The following AXIN2 variants were observed in gnomAD, a reference collection of about 807,000 sequenced individuals.
AXIN2 encodes the protein axin 2, also known as axin-2.
A neutral mutation model predicts 74.7 loss-of-function variants in AXIN2; 21 were observed. The observed-to-expected ratio is 0.28, with a 90% CI of 0.20 to 0.40. The LOEUF is 0.40. AXIN2 is among the 10% of genes least tolerant of loss of function. AXIN2 has a pLI of 1.00. For synonymous variants in AXIN2, 532 were observed against 454.9 expected (o/e 1.17, Z -2.16); for missense variants, 1,144 against 1,111.1 (o/e 1.03, Z -0.42).
chr17:65,544,779 G>A (rs530124978), intron 3 of AXIN2, among the ~76,000 whole-genome samples: 2 of 152,268 alleles, frequency 1.3e-5, no homozygotes, highest in Admixed American at 6.5e-5. Flanking sequence ...ACTCCACTTA[G>A]CTGCCATTTG....
chr17:65,558,823 A>G, intron 1 of AXIN2, 87 bp from the exon 2 acceptor site: 1 of 611,568 alleles, frequency 1.6e-6, no homozygotes, highest in East Asian at 2.8e-5. Context: ...TCAAAGCAAG[A>G]AAGTAAACAG....
chr17:65,539,262 G>A (rs2044004006), intron 4 of AXIN2, among the ~76,000 whole-genome samples: 2 of 152,076 alleles, frequency 1.3e-5, no homozygotes, highest in South Asian at 2.1e-4. Flanking sequence ...TTGGGCTGGG[G>A]TGGGGGTAGC....
intron 3 of AXIN2, 115 bp from the exon 4 acceptor site, chr17:65,541,672 T>A (rs533363995): frequency 2.3e-6 from 2 of 874,410 alleles, no homozygotes; most frequent in Admixed American, 3.6e-5. Context: ...CATGCTTCCA[T>A]AGGAGTGTCA....
chr17:65,539,109 T>C (rs1168557308), intron 4 of AXIN2, among the ~76,000 whole-genome samples: 1 of 152,216 alleles, frequency 6.6e-6, no homozygotes, highest in Non-Finnish European at 1.5e-5. Context: ...CGAGTACGCC[T>C]GCCAAAAGCA....
rs1203628151 is a variant in AXIN2, at chr17:65,559,988, T to TGTCCTCCGAGCCCCTCCGGCCCG, written c.-116-1275_-116-1253dup. On this transcript the variant is annotated intron_variant, in intron 1 of 10. Coordinates refer to ENST00000307078, the MANE Select transcript of AXIN2 (RefSeq NM_004655.4). ...GAAGGCCGCCGAAGCCAGGCTCTCA[T>TGTCCTCCGAGCCCCTCCGGCCCG]GTCCTCCGAGCCCCTCCGGCCCGGT... 28 of 152,174 alleles carry TGTCCTCCGAGCCCCTCCGGCCCG rather than the reference T, an allele frequency of 1.8e-4. 1 individual carries two copies. The highest frequency in any genetic ancestry group is 6.8e-4 in the African/African-American group (28 of 41,436). The allele number at this position is 152,174 out of a possible 1,614,324, so 9.4% of individuals were successfully genotyped here.
chr17:65,547,282 G>A (rs1023077276), intron 3 of AXIN2, among the ~76,000 whole-genome samples: 6 of 152,178 alleles, frequency 3.9e-5, no homozygotes, highest in African/African-American at 1.4e-4. Context: ...GAAACCCAAA[G>A]TGGCTCAAAG....
rs1281454600 is a variant in AXIN2 at position 65,529,769 on chromosome 17, T to C, written c.*207A>G. ...GTTTTTAATAAATAGTTCAGGCTTT[T>C]CTTATCTCAGTCAGTACCCAGCTCA... On this transcript the variant is annotated 3_prime_UTR_variant, in exon 11 of 11. Coordinates refer to ENST00000307078, the MANE Select transcript of AXIN2 (RefSeq NM_004655.4). 1 of 713,260 alleles carries C rather than the reference T, an allele frequency of 1.4e-6. No homozygotes were observed. The highest frequency in any genetic ancestry group is 1.8e-5 in the African/African-American group (1 of 55,968). 44.2% of individuals were successfully genotyped at this position (713,260 alleles called of 1,614,324 possible).
intron 1 of AXIN2, chr17:65,560,417 A>T (rs2044348478): frequency 1.5e-5 from 1 of 67,398 alleles, no homozygotes; most frequent in African/African-American, 5.6e-5. Context: ...GGGGCGGAGG[A>T]GAGGCGGGGG....
chr17:65,545,588 G>C (rs1284722364), intron 3 of AXIN2, among the ~76,000 whole-genome samples: 1 of 151,986 alleles, frequency 6.6e-6, no homozygotes, highest in Non-Finnish European at 1.5e-5. Flanking sequence ...CCCAGGAGGC[G>C]GAGGTTCCAG....
intron 8 of AXIN2, 126 bp downstream of exon 8, chr17:65,536,193 TA>T: frequency 1.0e-6 from 1 of 961,562 alleles, no homozygotes; most frequent in South Asian, 1.4e-5. Flanking sequence ...CATCCATAAG[TA>T]ATTCTTCTTC....
Position 65,551,144 on chromosome 17 carries a change from A to G in AXIN2, c.816-1484T>C, listed in dbSNP as rs184888136. 5.3e-5 allele frequency among the ~76,000 whole-genome samples: 8 copies of G among 152,268 alleles called. No homozygotes were observed. The East Asian group carries it at 1.5e-3, about 29-fold the overall frequency. ...TGCCTTAGTACAGGTAACCCAGATG[A>G]CGGATAGAACATTTCTAGGAGGGAC... On this transcript the variant is annotated intron_variant, in intron 2 of 10. Coordinates refer to ENST00000307078, the MANE Select transcript of AXIN2 (RefSeq NM_004655.4).
At chr17:65,530,949 G>A (rs78226347) in intron 10 of AXIN2, among the ~76,000 whole-genome samples, 1 of 152,158 alleles carries the variant, frequency 6.6e-6, no homozygotes, top group African/African-American at 2.4e-5. Flanking sequence ...GGAAACAACT[G>A]CTGTCCTCTT....
At chr17:65,561,127 G>A (rs1331107942) in intron 1 of AXIN2, 3 of 149,956 alleles carry the variant, frequency 2.0e-5, no homozygotes, top group Non-Finnish European at 4.5e-5. Flanking sequence ...CCTGTTTCCA[G>A]CAGTCACTCG....
intron 2 of AXIN2, among the ~76,000 whole-genome samples, chr17:65,551,762 A>G (rs2044196882): frequency 6.6e-6 from 1 of 152,154 alleles, no homozygotes; most frequent in African/African-American, 2.4e-5. Flanking sequence ...AATCATCACA[A>G]CCACCCAAGG....
Position 65,549,584 on chromosome 17 carries a change from T to C in AXIN2, c.892A>G (p.Asn298Asp), listed in dbSNP as rs1598110416. ...GYVFAPATSA[N>D]DSEISSDALT... ...GCATCACTGGATATCTCACTGTCGTTGGCGCTGGTGGCTGGTGCAAAGACA... is the reference window on the plus strand; with the variant it reads ...GCATCACTGGATATCTCACTGTCGTCGGCGCTGGTGGCTGGTGCAAAGACA... Residue 298 changes from asparagine to aspartate, a missense_variant, in exon 3 of 11, where the codon AAC becomes GAC. Around this residue, in one of 4 missense-constraint regions of AXIN2, gnomAD observed 1,053 missense variants for 973.5 expected, o/e 1.08. Coordinates refer to ENST00000307078, the MANE Select transcript of AXIN2 (RefSeq NM_004655.4). 1.2e-6 allele frequency: 2 copies of C among 1,608,326 alleles called. No homozygotes were observed. The highest frequency in any genetic ancestry group is 1.7e-6 in the Non-Finnish European group (2 of 1,177,270).
At chr17:65,538,451 C>T (rs548155754) in intron 4 of AXIN2, 108 bp from the exon 5 acceptor site, 13 of 1,480,932 alleles carry the variant, frequency 8.8e-6, no homozygotes, top group South Asian at 2.4e-5. Context: ...AACCCATGTT[C>T]GGGTGTAGAG....
chr17:65,541,461 A>G lies in AXIN2; in HGVS notation c.1053T>C (p.His351=). 1 of 1,613,598 alleles carries G rather than the reference A, an allele frequency of 6.2e-7. No individual in the cohort carries two copies. The highest frequency in any genetic ancestry group is 2.2e-5 in the East Asian group (1 of 44,882). Residue 351 remains histidine, a synonymous_variant, in exon 4 of 11, where the codon CAT becomes CAC. Transcript: ENST00000307078. ...CACTCCAGACTGTACTCACCGGGAA[A>G]TGAGGTAGAGACACTTGGCCATTGG... is the stretch of plus-strand genomic sequence containing the variant. ...VKANGQVSLP[H]FPRTHRLPKE...
At chr17:65,534,375 G>A (rs879567045) in intron 9 of AXIN2, among the ~76,000 whole-genome samples, 4 of 152,196 alleles carry the variant, frequency 2.6e-5, no homozygotes, top group Non-Finnish European at 5.9e-5. Context: ...AGTATACGGC[G>A]GCCTCTTTCA....
intron 4 of AXIN2, among the ~76,000 whole-genome samples, chr17:65,539,185 C>CA (rs972691520): frequency 1.4e-4 from 21 of 151,650 alleles, no homozygotes; most frequent in African/African-American, 4.8e-4. Flanking sequence ...TCCCCCCACC[C>CA]AACCCCCCAC....
Sources: gnomAD v4.1 joint callset for allele counts (sites outside exome capture counted in the v4.1 genomes callset) on GRCh38, gnomAD v4.1.1 for gene constraint, gnomAD v4.1.1 regional missense constraint, MANE v1.5 for transcripts, NCBI Gene and HGNC (gene_info 2026-07-23, HGNC 2026-07-21) for gene names.